The following RANBP2 variants were observed in gnomAD, a reference collection of about 807,000 sequenced individuals.
The protein encoded by RANBP2 is RAN binding protein 2, also known as E3 SUMO-protein ligase RanBP2.
Under a neutral mutation model 303.6 loss-of-function variants are expected in RANBP2, and 57 were observed. The observed-to-expected ratio is 0.19, with a 90% CI of 0.15 to 0.23. The LOEUF is 0.23. Among genes scored for constraint, RANBP2 ranks in the 10% least tolerant of loss-of-function variants. The pLI, the probability that RANBP2 is intolerant of heterozygous loss-of-function variation, is 1.00. For synonymous variants in RANBP2, 1,167 were observed against 1,301.5 expected (o/e 0.90, Z 2.23); for missense variants, 3,138 against 3,780.8 (o/e 0.83, Z 4.46).
At chr2:109,109,207 C>T in the RANBP2 span, among the ~76,000 whole-genome samples, 1 of 152,208 alleles carries the variant, frequency 6.6e-6, no homozygotes, top group East Asian at 1.9e-4. Context: ...AACCAATAAA[C>T]ACAATGGAGC....
At chr2:108,930,147 C>T in the RANBP2 span, 571 of 1,613,848 alleles carry the variant, frequency 3.5e-4, 1 homozygote, top group Middle Eastern at 1.5e-3. Context: ...CCGGCCCACA[C>T]GGGGGGCACT....
chr2:109,249,511 T>C, the RANBP2 span, among the ~76,000 whole-genome samples: 4 of 41,868 alleles, frequency 9.6e-5, no homozygotes, highest in Non-Finnish European at 1.8e-4. Context: ...CTTTCTTTCA[T>C]TCTTTCTTTT....
At chr2:109,711,790 C>T in the RANBP2 span, among the ~76,000 whole-genome samples, 3 of 152,142 alleles carry the variant, frequency 2.0e-5, no homozygotes, top group Admixed American at 6.5e-5. Flanking sequence ...CCCCCTTTGT[C>T]TCGGTCTATT....
chr2:109,529,454 C>A, the RANBP2 span, among the ~76,000 whole-genome samples: 1 of 152,104 alleles, frequency 6.6e-6, no homozygotes, highest in African/African-American at 2.4e-5. Flanking sequence ...AAGCTCGGAG[C>A]CCAGCCCCTG....
At chr2:109,288,163 T>A in the RANBP2 span, among the ~76,000 whole-genome samples, 1 of 152,194 alleles carries the variant, frequency 6.6e-6, no homozygotes, top group African/African-American at 2.4e-5. Flanking sequence ...CAAGAAGAAC[T>A]CAAACTTAGA....
the RANBP2 span, among the ~76,000 whole-genome samples, chr2:109,576,773 C>T: frequency 1.3e-5 from 2 of 152,070 alleles, no homozygotes; most frequent in Admixed American, 6.6e-5. Flanking sequence ...ATATGCCATT[C>T]TTTCATACTC....
chr2:108,807,868 C>T, the RANBP2 span, among the ~76,000 whole-genome samples: 1 of 152,198 alleles, frequency 6.6e-6, no homozygotes, highest in Non-Finnish European at 1.5e-5. Context: ...CTCGGCCTCC[C>T]GAAGTGCTCG....
At chr2:109,000,152 C>T in the RANBP2 span, among the ~76,000 whole-genome samples, 1 of 152,192 alleles carries the variant, frequency 6.6e-6, no homozygotes, top group Non-Finnish European at 1.5e-5. Flanking sequence ...GAATTAGAGT[C>T]AGGGCCATAA....
At chr2:109,412,922 G>A in the RANBP2 span, among the ~76,000 whole-genome samples, 1 of 152,166 alleles carries the variant, frequency 6.6e-6, no homozygotes, top group Non-Finnish European at 1.5e-5. Context: ...TTTCCACTCT[G>A]CATACCCTAC....
the RANBP2 span, chr2:109,432,770 C>G: frequency 3.5e-6 from 5 of 1,448,142 alleles, no homozygotes; most frequent in Admixed American, 2.5e-5. Context: ...CAGCCGGGCC[C>G]AGAAGGCAGC....
the RANBP2 span, among the ~76,000 whole-genome samples, chr2:109,340,373 G>A: frequency 6.6e-6 from 1 of 152,200 alleles, no homozygotes; most frequent in Non-Finnish European, 1.5e-5. Context: ...GGCAAGGTCT[G>A]GATGAGAGCC....
chr2:109,464,640 CTT>C, the RANBP2 span, among the ~76,000 whole-genome samples: 1 of 152,144 alleles, frequency 6.6e-6, no homozygotes, highest in Admixed American at 6.5e-5. Context: ...CCTTCCAAGA[CTT>C]TTTTTAAAGA....
intron 1 of RANBP2, among the ~76,000 whole-genome samples, chr2:108,721,635 C>T (rs533711891): frequency 1.5e-4 from 23 of 152,200 alleles, no homozygotes; most frequent in Middle Eastern, 6.8e-3. Flanking sequence ...TTGGTAGAGA[C>T]TGGGTTTCAC....
At chr2:108,752,948 C>A (rs772224205) in intron 12 of RANBP2, 50 bp from the exon 13 acceptor site, 2 of 1,605,924 alleles carry the variant, frequency 1.2e-6, no homozygotes, top group Non-Finnish European at 1.7e-6. Flanking sequence ...AACTTTAGAT[C>A]TAATCATGCG....
chr2:109,077,611 C>G, the RANBP2 span, among the ~76,000 whole-genome samples: 1 of 150,316 alleles, frequency 6.7e-6, no homozygotes, highest in African/African-American at 2.4e-5. Context: ...AACTCTATAG[C>G]AAAAGATGAA....
At chr2:109,181,630 C>T in the RANBP2 span, among the ~76,000 whole-genome samples, 1 of 152,210 alleles carries the variant, frequency 6.6e-6, no homozygotes, top group African/African-American at 2.4e-5. Context: ...TAAGGACCTG[C>T]AGTAGATGCC....
At chr2:108,917,080 C>T in the RANBP2 span, among the ~76,000 whole-genome samples, 4 of 152,210 alleles carry the variant, frequency 2.6e-5, no homozygotes, top group African/African-American at 9.7e-5. Flanking sequence ...AGCAAAGACC[C>T]TCAAACCACA....
At chr2:108,803,864 A>T in the RANBP2 span, among the ~76,000 whole-genome samples, 1 of 152,214 alleles carries the variant, frequency 6.6e-6, no homozygotes, top group East Asian at 1.9e-4. Context: ...AATGGAATGC[A>T]TATGTTTTTA....
chr2:108,952,574 T>G, the RANBP2 span, among the ~76,000 whole-genome samples: 6 of 152,236 alleles, frequency 3.9e-5, no homozygotes, highest in Non-Finnish European at 7.3e-5. Flanking sequence ...AAAAAATACT[T>G]TCACTTGCTC....
Sources: allele counts gnomAD v4.1 joint callset (sites outside exome capture counted in the v4.1 genomes callset), GRCh38; gene constraint gnomAD v4.1.1; transcripts MANE v1.5; gene names NCBI Gene and HGNC (gene_info 2026-07-23, HGNC 2026-07-21).